The following EPHA7 variants were observed in gnomAD, a reference collection of about 807,000 sequenced individuals.
The protein encoded by EPHA7 is ephrin type-A receptor 7.
A neutral mutation model predicts 112.6 loss-of-function variants in EPHA7; 25 were observed. The ratio of observed to expected loss-of-function variants is 0.22; its 90% confidence interval spans 0.16 to 0.31. The LOEUF (loss-of-function observed/expected upper bound fraction) is 0.31, where lower values mean the gene tolerates loss of function less well. EPHA7 is among the 10% of genes least tolerant of loss of function. The probability of loss-of-function intolerance (pLI) is 1.00; values close to 1 mark genes in which losing one functional copy is unlikely to be tolerated. For synonymous variants in EPHA7, 437 were observed against 406.5 expected, an observed-to-expected ratio of 1.07 and a Z score of -0.90; for missense variants, 962 against 1,212.6, an observed-to-expected ratio of 0.79 and a Z score of 3.07.
At chr6:93,375,028 C>T (rs1385366412) in intron 3 of EPHA7, among the ~76,000 whole-genome samples, 1 of 151,978 alleles carries the variant, frequency 6.6e-6, no homozygotes, top group Non-Finnish European at 1.5e-5. Context: ...AACCATGTAA[C>T]TAAATGTCTG....
At chr6:93,294,829 T>A (rs1308969909) in intron 5 of EPHA7, among the ~76,000 whole-genome samples, 1 of 152,126 alleles carries the variant, frequency 6.6e-6, no homozygotes, top group Non-Finnish European at 1.5e-5. Flanking sequence ...GAAAGTAGAA[T>A]AAAATCAGTA....
At chr6:93,348,519 T>C (rs964976476) in intron 5 of EPHA7, among the ~76,000 whole-genome samples, 3 of 151,890 alleles carry the variant, frequency 2.0e-5, no homozygotes, top group Non-Finnish European at 4.4e-5. Context: ...TTTTCAAAGT[T>C]AAGGTTTATT....
intron 5 of EPHA7, among the ~76,000 whole-genome samples, chr6:93,289,617 C>A (rs1772253388): frequency 6.6e-6 from 1 of 151,348 alleles, no homozygotes; most frequent in African/African-American, 2.4e-5. Flanking sequence ...GTGCAAGACT[C>A]CATCTCAAAA....
intron 1 of EPHA7, among the ~76,000 whole-genome samples, chr6:93,416,203 G>A (rs765374161): frequency 3.3e-5 from 5 of 152,074 alleles, no homozygotes; most frequent in Non-Finnish European, 5.9e-5. Flanking sequence ...ATAAATCGTT[G>A]GACTAGCGAA....
At chr6:93,417,585 A>G (rs1363477217) in intron 1 of EPHA7, among the ~76,000 whole-genome samples, 1 of 152,214 alleles carries the variant, frequency 6.6e-6, no homozygotes, top group South Asian at 2.1e-4. Flanking sequence ...AGTTATTTAT[A>G]GCCCAAACTC....
At chr6:93,329,020 A>C (rs1453786534) in intron 5 of EPHA7, among the ~76,000 whole-genome samples, 1 of 151,550 alleles carries the variant, frequency 6.6e-6, no homozygotes, top group Non-Finnish European at 1.5e-5. Flanking sequence ...TAATATTAAA[A>C]ATAACTTTAA....
chr6:93,327,517 C>T (rs1774381008), intron 5 of EPHA7, among the ~76,000 whole-genome samples: 1 of 151,518 alleles, frequency 6.6e-6, no homozygotes, highest in Non-Finnish European at 1.5e-5. Context: ...TTAAACATAG[C>T]ATGACAGAAA....
intron 3 of EPHA7, among the ~76,000 whole-genome samples, chr6:93,372,459 C>A (rs1489725890): frequency 1.3e-5 from 2 of 152,022 alleles, no homozygotes; most frequent in African/African-American, 4.8e-5. Context: ...TCTCATGCTA[C>A]AGATGTTAAA....
chr6:93,258,585 C>T (rs535069365), intron 10 of EPHA7, among the ~76,000 whole-genome samples: 2 of 143,160 alleles, frequency 1.4e-5, no homozygotes, highest in African/African-American at 2.5e-5. Flanking sequence ...AACTGTTAAA[C>T]AGGCTACTAT....
At chr6:93,398,740 G>A (rs188091288) in intron 3 of EPHA7, among the ~76,000 whole-genome samples, 2 of 152,166 alleles carry the variant, frequency 1.3e-5, no homozygotes, top group Admixed American at 1.3e-4. Context: ...TGAATTTGGA[G>A]TAGTAATTGT....
chr6:93,411,216 C>T (rs778783033), intron 2 of EPHA7, 46 bp from the exon 3 acceptor site: 2 of 1,520,078 alleles, frequency 1.3e-6, no homozygotes, highest in South Asian at 1.2e-5. Flanking sequence ...CAAAAAATAA[C>T]ATTTTGCTTT....
At chr6:93,298,201 C>T (rs896661291) in intron 5 of EPHA7, among the ~76,000 whole-genome samples, 8 of 152,026 alleles carry the variant, frequency 5.3e-5, no homozygotes, top group Non-Finnish European at 1.0e-4. Context: ...GGGAAGGATG[C>T]GTTTAATAAT....
chr6:93,322,975 A>C (rs972523082), intron 5 of EPHA7, among the ~76,000 whole-genome samples: 2 of 151,534 alleles, frequency 1.3e-5, no homozygotes, highest in African/African-American at 4.8e-5. Flanking sequence ...TTTTCAGTGG[A>C]CTTAATTTAA....
At chr6:93,376,024 G>A (rs1314445473) in intron 3 of EPHA7, among the ~76,000 whole-genome samples, 1 of 152,168 alleles carries the variant, frequency 6.6e-6, no homozygotes, top group Non-Finnish European at 1.5e-5. Flanking sequence ...AGAAGGAGGT[G>A]GGGGTTGGTC....
chr6:93,372,830 T>C (rs1776867451), intron 3 of EPHA7, among the ~76,000 whole-genome samples: 1 of 152,094 alleles, frequency 6.6e-6, no homozygotes, highest in Non-Finnish European at 1.5e-5. Flanking sequence ...ACTTTTCACA[T>C]GAAAAATATA....
chr6:93,286,164 A>C (rs548088318), intron 5 of EPHA7, among the ~76,000 whole-genome samples: 211 of 149,934 alleles, frequency 1.4e-3, no homozygotes, highest in South Asian at 8.6e-3. Context: ...ACACACACAC[A>C]CCCTACACAC....
intron 3 of EPHA7, among the ~76,000 whole-genome samples, chr6:93,364,668 T>C (rs1776421944): frequency 6.6e-6 from 1 of 152,116 alleles, no homozygotes; most frequent in Admixed American, 6.6e-5. Context: ...ATACTCTATA[T>C]GCATCAAATT....
intron 5 of EPHA7, among the ~76,000 whole-genome samples, chr6:93,322,874 C>T (rs554805329): frequency 7.3e-5 from 11 of 151,542 alleles, no homozygotes; most frequent in Admixed American, 2.0e-4. Flanking sequence ...CTGTGCTTTA[C>T]GTGTGTGTGT....
chr6:93,241,684 T>A lies in EPHA7; in HGVS notation c.*1742A>T, dbSNP rs1381369648. On this transcript the variant is annotated 3_prime_UTR_variant, in exon 17 of 17. Transcript: ENST00000369303. ...ATCCATTTGAGTTTTTCTATAGCCG[T>A]CTTTGGTCCTAAATGTGGGAAAACA... 1 of 223,894 alleles carries A rather than the reference T, an allele frequency of 4.5e-6. No individual in the cohort carries two copies. Among genetic ancestry groups the A allele is most frequent in the Non-Finnish European group, 8.9e-6 (1 of 111,892 alleles). 13.9% of individuals were successfully genotyped at this position (223,894 alleles called of 1,614,324 possible).
Sources: allele counts gnomAD v4.1 joint callset (sites outside exome capture counted in the v4.1 genomes callset), GRCh38; gene constraint gnomAD v4.1.1; transcripts MANE v1.5; gene names NCBI Gene and HGNC (gene_info 2026-07-23, HGNC 2026-07-21).